C11orf91: variants seen among roughly 807,000 people sequenced by gnomAD.
C11orf91 encodes chromosome 11 open reading frame 91.
C11orf91 carries 10 observed loss-of-function variants against 14.3 expected under a neutral mutation model. That is an observed-to-expected ratio of 0.70 (90% CI 0.43 to 1.18). C11orf91 has a LOEUF of 1.18. Among genes scored for constraint, C11orf91 ranks in the 50% most tolerant of loss-of-function variants. C11orf91 has a pLI of 0.00. For synonymous variants in C11orf91, 141 were observed against 130.6 expected (o/e 1.08, Z -0.54); for missense variants, 236 against 269.0 (o/e 0.88, Z 0.86).
Position 33,700,245 on chromosome 11 carries a change from A to T in C11orf91, c.496T>A (p.Tyr166Asn), listed in dbSNP as rs1853097912. 2 of 1,532,334 alleles carry T rather than the reference A, an allele frequency of 1.3e-6. No individual in the cohort carries two copies. Among genetic ancestry groups the T allele is most frequent in the Non-Finnish European group, 1.7e-6 (2 of 1,145,140 alleles). 94.9% of individuals were successfully genotyped at this position (1,532,334 alleles called of 1,614,324 possible). A position where few individuals can be genotyped will look rare whatever the true frequency, so the allele number is the denominator to read the frequency against. The part of the protein sequence containing the change: ...ITGDGFDSQS[Y>N]TFLKALKDEK... ...CGGTGGCCCTGGCGAGGTCACGCAC[A>T]GCTCTGGGAGTCGAAGCCGTCCCCA... Residue 166 changes from tyrosine to asparagine, a missense_variant and splice_region_variant, in exon 1 of 2, where the codon TAC becomes AAC. Coordinates refer to ENST00000379011, the MANE Select transcript of C11orf91 (RefSeq NM_001166692.2).
chr11:33,698,283 G>T lies in C11orf91; in HGVS notation c.*146C>A. The T allele has an allele frequency of 1.6e-6, 1 of 624,576 alleles. No homozygotes were observed. Among genetic ancestry groups the T allele is most frequent in the Non-Finnish European group, 2.9e-6 (1 of 349,694 alleles). The allele number at this position is 624,576 out of a possible 1,614,324, so 38.7% of individuals were successfully genotyped here. A position where few individuals can be genotyped will look rare whatever the true frequency, so the allele number is the denominator to read the frequency against. On this transcript the variant is annotated 3_prime_UTR_variant, in exon 2 of 2. Coordinates refer to ENST00000379011, the MANE Select transcript of C11orf91 (RefSeq NM_001166692.2). ...AGATTTACCACACAAAGTGGGCACT[G>T]TATGTGAAGTACATGCTGGTAGCAA...
chr11:33,701,794 GGA>G (rs373229586), upstream of C11orf91, among the ~76,000 whole-genome samples: 7 of 146,912 alleles, frequency 4.8e-5, no homozygotes, highest in African/African-American at 1.6e-4. Flanking sequence ...GCAGCAAAGT[GGA>G]GAGAGTCAGA....
chr11:33,698,536 T>G, intron 1 of C11orf91, 22 bp from the exon 2 acceptor site: 1 of 1,503,686 alleles, frequency 6.7e-7, no homozygotes, highest in Non-Finnish European at 9.0e-7. Context: ...CAAAACAAAC[T>G]TAGCCGTAAT....
At chr11:33,700,078 G>A (rs950492806) in intron 1 of C11orf91, among the ~76,000 whole-genome samples, 167 bp downstream of exon 1, 2 of 150,988 alleles carry the variant, frequency 1.3e-5, no homozygotes, top group African/African-American at 2.5e-5. Context: ...GGGAGGAGTC[G>A]GTTAAGTCCA....
chr11:33,704,210 ACTCT>A (rs58634493), upstream of C11orf91: 6,651 of 151,970 alleles, frequency 0.044, 301 homozygotes, highest in African/African-American at 0.12. Context: ...TGAATCTGGG[ACTCT>A]CTGTGACCCT....
Position 33,700,712 on chromosome 11 carries a change from C to T in C11orf91, c.29G>A (p.Ser10Asn), listed in dbSNP as rs949922621. Residue 10 changes from serine to asparagine, a missense_variant, in exon 1 of 2, where the codon AGC (serine) becomes AAC (asparagine). Coordinates refer to ENST00000379011, the MANE Select transcript of C11orf91 (RefSeq NM_001166692.2). ...AGCCGACCGCTGGCTCATGGTGGGG[C>T]TGTGGCTGCCGCGCCGCCCCTTTGG... MPKGRRGSH[S>N]PTMSQRSAPP... 2.2e-6 allele frequency: 3 copies of T among 1,391,694 alleles called. No individual in the cohort carries two copies. Among genetic ancestry groups the T allele is most frequent in the East Asian group, 3.1e-5 (1 of 32,518 alleles). The allele number at this position is 1,391,694 out of a possible 1,614,324, so 86.2% of individuals were successfully genotyped here. A position where few individuals can be genotyped will look rare whatever the true frequency, so the allele number is the denominator to read the frequency against.
upstream of C11orf91, among the ~76,000 whole-genome samples, chr11:33,702,051 A>G (rs948696290): frequency 2.0e-5 from 3 of 152,112 alleles, no homozygotes; most frequent in Admixed American, 6.5e-5. Context: ...CTTAGTTGTC[A>G]CACGCAGTAT....
chr11:33,701,213 C>T (rs1853121479), upstream of C11orf91, among the ~76,000 whole-genome samples: 3 of 152,224 alleles, frequency 2.0e-5, no homozygotes, highest in South Asian at 6.2e-4. Flanking sequence ...CCTCACTGGC[C>T]GCGCCCACAG....
upstream of C11orf91, among the ~76,000 whole-genome samples, chr11:33,701,063 C>T (rs1853118697): frequency 6.6e-6 from 1 of 152,240 alleles, no homozygotes; most frequent in Non-Finnish European, 1.5e-5. Context: ...GTTGTCATAT[C>T]CCAGCATACC....
chr11:33,703,487 C>T (rs1295127477), upstream of C11orf91: 1 of 152,246 alleles, frequency 6.6e-6, no homozygotes, highest in South Asian at 2.1e-4. Context: ...TAAGTACCAT[C>T]CTGTTGGAGC....
chr11:33,704,707 A>T (rs557596555), upstream of C11orf91: 3 of 152,420 alleles, frequency 2.0e-5, no homozygotes, highest in Non-Finnish European at 2.9e-5. Flanking sequence ...CATTTCAAAT[A>T]GACAGGCCAG....
chr11:33,706,322 C>A, the C11orf91 span: 1 of 151,934 alleles, frequency 6.6e-6, no homozygotes, highest in Non-Finnish European at 1.5e-5. Context: ...ATTGAATAAC[C>A]TGTAAGTAAT....
chr11:33,705,403 A>C (rs1042378951), upstream of C11orf91: 2 of 152,332 alleles, frequency 1.3e-5, no homozygotes, highest in African/African-American at 4.8e-5. Context: ...GGTAGCAGGA[A>C]GGAATCGGTA....
chr11:33,699,600 A>T (rs1042440973), intron 1 of C11orf91: 4 of 456,192 alleles, frequency 8.8e-6, no homozygotes, highest in African/African-American at 4.0e-5. Flanking sequence ...GCATCAGCAC[A>T]CGTGGTCCAG....
upstream of C11orf91, chr11:33,700,846 C>T: frequency 1.8e-6 from 2 of 1,099,908 alleles, no homozygotes; most frequent in South Asian, 4.2e-5. Context: ...CCCGATGGAG[C>T]GCGGCCCCAC....
At chr11:33,699,148 T>C (rs926418910) in intron 1 of C11orf91, among the ~76,000 whole-genome samples, 1 of 152,164 alleles carries the variant, frequency 6.6e-6, no homozygotes. Context: ...TAACTATGAA[T>C]ACATAGTATT....
At chr11:33,700,222 G>A (rs981671169) in intron 1 of C11orf91, 23 bp downstream of exon 1, 1 of 1,524,718 alleles carries the variant, frequency 6.6e-7, no homozygotes. Flanking sequence ...GCTGGGCTCG[G>A]TGGCCCTGGC....
chr11:33,705,091 G>A (rs1414519988), upstream of C11orf91: 1 of 152,222 alleles, frequency 6.6e-6, no homozygotes, highest in East Asian at 1.9e-4. Flanking sequence ...TAGTGGAATA[G>A]GGAGTACAGA....
upstream of C11orf91, among the ~76,000 whole-genome samples, chr11:33,701,010 C>T (rs553416782): frequency 1.1e-4 from 16 of 152,298 alleles, no homozygotes; most frequent in Non-Finnish European, 2.2e-4. Flanking sequence ...TCCCTCGACT[C>T]CGCCCACCGC....
Sources: allele counts gnomAD v4.1 joint callset (sites outside exome capture counted in the v4.1 genomes callset), GRCh38; gene constraint gnomAD v4.1.1; transcripts MANE v1.5; gene names NCBI Gene and HGNC (gene_info 2026-07-23, HGNC 2026-07-21).